Variants in ASF1B observed in about 807,000 individuals in gnomAD.
ASF1B encodes histone chaperone ASF1B.
ASF1B carries 10 observed loss-of-function variants against 16.6 expected under a neutral mutation model. The ratio of observed to expected loss-of-function variants is 0.60; its 90% CI spans 0.37 to 1.02. The LOEUF is 1.02. Ranked by LOEUF, ASF1B falls within the 50% of genes least tolerant of loss-of-function variation. ASF1B has a pLI of 0.01. For missense variants in ASF1B, 240 were observed against 266.0 expected (o/e 0.90, Z 0.68); for synonymous variants, 101 against 106.2 (o/e 0.95, Z 0.30).
chr19:14,135,671 TGGAGG>T (rs1967481782), intron 1 of ASF1B, among the ~76,000 whole-genome samples: 2 of 151,674 alleles, frequency 1.3e-5, no homozygotes, highest in Admixed American at 1.3e-4. Context: ...AAAAGGTTAC[TGGAGG>T]GGAGGGTCTT....
Position 14,120,496 on chromosome 19 carries a change from G to A in ASF1B, c.572C>T (p.Pro191Leu), listed in dbSNP as rs1967217310. ...CATGGAGTTCTCAGGGAGGAGGCCA[G>A]GGATGCAGCCAGGGAGCCCCAAGCC... ...IKGLGLPGCI[P>L]GLLPENSMDC... Residue 191 changes from proline (P) to leucine (L), a missense_variant, in exon 4 of 4, where the codon CCT becomes CTT. By Grantham distance (98) the Pro-to-Leu change is moderately conservative. Transcript: ENST00000263382. 1 of 1,613,064 alleles carries A rather than the reference G, an allele frequency of 6.2e-7. No individual in the cohort carries two copies. Among genetic ancestry groups the A allele is most frequent in the Non-Finnish European group, 8.5e-7 (1 of 1,179,406 alleles).
chr19:14,132,229 A>G (rs538195634), intron 1 of ASF1B, among the ~76,000 whole-genome samples: 8 of 152,020 alleles, frequency 5.3e-5, no homozygotes, highest in South Asian at 2.1e-4. Context: ...AGGTTTTGCT[A>G]TGTTACCCAG....
intron 3 of ASF1B, among the ~76,000 whole-genome samples, chr19:14,120,914 GGGTTCAAGC>G (rs1308898534): frequency 6.6e-6 from 1 of 151,954 alleles, no homozygotes; most frequent in East Asian, 1.9e-4. Flanking sequence ...TCTGCCTTCC[GGGTTCAAGC>G]GATTCTCTTG....
rs530667421 is a variant in ASF1B at position 14,129,630 on chromosome 19, G to A, written c.110-3393C>T. On this transcript the variant is annotated intron_variant, in intron 1 of 3. Transcript: ENST00000263382. ...GAGGCAGCAGAGATTGCAGTGAGCC[G>A]AGATTTTGCCACTGCACTCCAGCCT... Among the ~76,000 whole-genome samples the A allele has an allele frequency of 2.3e-3, 289 of 125,116 alleles. 1 individual carries two copies. The highest frequency in any genetic ancestry group is 8.5e-3 in the African/African-American group (279 of 32,992). 82.1% of individuals were successfully genotyped at this position (125,116 alleles called of 152,430 possible).
At chr19:14,123,786 A>ATTT (rs1247010220) in intron 2 of ASF1B, among the ~76,000 whole-genome samples, 14 of 107,670 alleles carry the variant, frequency 1.3e-4, no homozygotes, top group Admixed American at 3.9e-4. Flanking sequence ...AAGCGAGCCT[A>ATTT]TTTTTTTTTT....
chr19:14,134,272 G>A (rs1256121740), intron 1 of ASF1B, among the ~76,000 whole-genome samples: 3 of 151,630 alleles, frequency 2.0e-5, no homozygotes, highest in Non-Finnish European at 4.4e-5. Context: ...TTATTTACCC[G>A]CTGCCTTGTT....
rs545921222 is a variant in ASF1B, at chr19:14,136,064, G to C, written c.109+284C>G. ...CTATGGGGAGGTCGGGGCGGGCAGTGGGGGAAGAGGCCACTGGGAGGTCCG... is the reference window on the plus strand; with the variant it reads ...CTATGGGGAGGTCGGGGCGGGCAGTCGGGGAAGAGGCCACTGGGAGGTCCG... On this transcript the variant is annotated intron_variant, in intron 1 of 3. Transcript: ENST00000263382. Among the ~76,000 whole-genome samples the C allele has an allele frequency of 4.9e-3, 741 of 151,798 alleles. 5 individuals carry two copies. Among genetic ancestry groups the C allele is most frequent in the Non-Finnish European group, 8.8e-3 (600 of 67,870 alleles).
intron 1 of ASF1B, among the ~76,000 whole-genome samples, chr19:14,132,850 C>T (rs2420414): frequency 3.3e-5 from 5 of 151,096 alleles, no homozygotes; most frequent in East Asian, 2.0e-4. Flanking sequence ...CATAATCATA[C>T]GACGGGCACG....
intron 1 of ASF1B, among the ~76,000 whole-genome samples, chr19:14,127,929 T>G (rs1967343299): frequency 6.6e-6 from 1 of 152,150 alleles, no homozygotes; most frequent in Non-Finnish European, 1.5e-5. Flanking sequence ...TGAGCCACCG[T>G]GCCCAGCCTC....
Position 14,120,097 on chromosome 19 carries a change from A to G in ASF1B, c.*362T>C, listed in dbSNP as rs1276946127. 4 of 223,054 alleles carry G rather than the reference A, an allele frequency of 1.8e-5. No homozygotes were observed. The highest frequency in any genetic ancestry group is 6.5e-5 in the South Asian group (1 of 15,498). 13.8% of individuals were successfully genotyped at this position (223,054 alleles called of 1,614,324 possible). ...GGCTCAGCAGGACTGGAGCCTTGAC[A>G]GGCACTGACCAAGAAAGCCTCTAGG... On this transcript the variant is annotated 3_prime_UTR_variant, in exon 4 of 4. Transcript: ENST00000263382.
chr19:14,123,378 CTTTTTTTT>C (rs74181857), intron 2 of ASF1B, among the ~76,000 whole-genome samples: 3 of 119,822 alleles, frequency 2.5e-5, no homozygotes, highest in African/African-American at 1.0e-4. Context: ...TTTCTTTCTT[CTTTTTTTT>C]TTTTTTTTTT....
At chr19:14,132,817 C>CTAA (rs1036165004) in intron 1 of ASF1B, among the ~76,000 whole-genome samples, 10 of 151,880 alleles carry the variant, frequency 6.6e-5, no homozygotes, top group African/African-American at 2.4e-4. Context: ...GATTCCATTT[C>CTAA]TAATAATAAT....
chr19:14,132,524 C>A (rs1378442103), intron 1 of ASF1B, among the ~76,000 whole-genome samples: 3 of 152,146 alleles, frequency 2.0e-5, no homozygotes, highest in South Asian at 2.1e-4. Context: ...GTACAATTAA[C>A]AATAGCATTC....
chr19:14,119,599 T>C lies in ASF1B; in HGVS notation c.*860A>G, dbSNP rs944607378. ...TATACAAACAGCAATCACAACAGCATCCACATGGCAGCAAGGGGACCAGGG... is the reference window on the plus strand; with the variant it reads ...TATACAAACAGCAATCACAACAGCACCCACATGGCAGCAAGGGGACCAGGG... On this transcript the variant is annotated 3_prime_UTR_variant, in exon 4 of 4. Transcript: ENST00000263382. 3.9e-5 allele frequency: 6 copies of C among 152,612 alleles called. No homozygotes were observed. The highest frequency in any genetic ancestry group is 1.4e-4 in the African/African-American group (6 of 41,446). 9.5% of individuals were successfully genotyped at this position (152,612 alleles called of 1,614,324 possible). A position where few individuals can be genotyped will look rare whatever the true frequency, so the allele number is the denominator to read the frequency against.
intron 1 of ASF1B, among the ~76,000 whole-genome samples, chr19:14,131,503 G>A (rs1166681569): frequency 7.4e-6 from 1 of 134,298 alleles, no homozygotes; most frequent in Admixed American, 7.8e-5. Context: ...TTTTTTTTGA[G>A]ATGGAGTCTT....
intron 1 of ASF1B, among the ~76,000 whole-genome samples, chr19:14,130,368 A>C (rs1967383357): frequency 6.6e-6 from 1 of 151,948 alleles, no homozygotes; most frequent in Admixed American, 6.6e-5. Context: ...GTCGAGAATC[A>C]TCTTAAATTT....
rs760785660 is a variant in ASF1B at position 14,120,625 on chromosome 19, C to T, written c.443G>A (p.Arg148His). The change falls in exon 4 of 4, where the codon CGC (arginine) becomes CAC (histidine). Residue 148 changes from arginine to histidine, a missense_variant. Arg to His is a conservative substitution (Grantham distance 29). Transcript: ENST00000263382. ...NILASNPRVT[R>H]FHINWDNNMD... ...GTTGTTGTCCCAGTTGATATGGAAG[C>T]GGGTCACCCGGGGGTTCGAGGCCAA... is the stretch of plus-strand genomic sequence containing the variant. 3.0e-5 allele frequency: 48 copies of T among 1,613,890 alleles called. No homozygotes were observed. Among genetic ancestry groups the T allele is most frequent in the East Asian group, 4.5e-5 (2 of 44,872 alleles).
chr19:14,125,048 T>C (rs913652654), intron 2 of ASF1B, among the ~76,000 whole-genome samples: 2 of 151,994 alleles, frequency 1.3e-5, no homozygotes, highest in African/African-American at 2.4e-5. Context: ...CTCACTGCAA[T>C]CTCCATCTCC....
intron 2 of ASF1B, 103 bp downstream of exon 2, chr19:14,126,019 C>T: frequency 1.1e-6 from 1 of 936,118 alleles, no homozygotes; most frequent in Non-Finnish European, 1.6e-6. Flanking sequence ...CCGTGCCCAG[C>T]TGAACTTGAA....
Sources: gnomAD v4.1 joint callset for allele counts (sites outside exome capture counted in the v4.1 genomes callset) on GRCh38, gnomAD v4.1.1 for gene constraint, MANE v1.5 for transcripts, NCBI Gene and HGNC (gene_info 2026-07-23, HGNC 2026-07-21) for gene names.